Variants in SLC10A7 observed in about 807,000 individuals in gnomAD.
SLC10A7 encodes the protein sodium/bile acid cotransporter 7.
In SLC10A7, 29 loss-of-function variants were observed where a neutral mutation model predicts 43.2. That is an observed-to-expected ratio of 0.67 (90% CI 0.50 to 0.92). The LOEUF (loss-of-function observed/expected upper bound fraction) is 0.92, where lower values mean the gene tolerates loss of function less well. Ranked by LOEUF, SLC10A7 falls within the 40% of genes least tolerant of loss-of-function variation. SLC10A7 has a pLI of 0.00. For missense variants in SLC10A7, 295 were observed against 403.2 expected, an observed-to-expected ratio of 0.73 and a Z score of 2.30; for synonymous variants, 152 against 144.8, an observed-to-expected ratio of 1.05 and a Z score of -0.35.
chr4:146,347,490 G>A (rs1734705419), intron 5 of SLC10A7, among the ~76,000 whole-genome samples: 1 of 152,192 alleles, frequency 6.6e-6, no homozygotes, highest in South Asian at 2.1e-4. Context: ...TACCAGTGCT[G>A]CTAAGTTGAG....
intron 7 of SLC10A7, among the ~76,000 whole-genome samples, chr4:146,295,703 T>C (rs1156256911): frequency 6.6e-6 from 1 of 152,122 alleles, no homozygotes; most frequent in Non-Finnish European, 1.5e-5. Flanking sequence ...TAAAGGGTCA[T>C]TTCATAATCT....
Position 146,324,888 on chromosome 4 carries a change from C to G in SLC10A7, c.471+1073G>C, listed in dbSNP as rs188545046. ...GATCTGATTATTTGACTCTTCTTAC[C>G]TTGTCAAAATGGAGCCAGCATTTCA... On this transcript the variant is annotated intron_variant, in intron 6 of 11. Transcript: ENST00000335472. 2.0e-5 allele frequency among the ~76,000 whole-genome samples: 3 copies of G among 152,254 alleles called. No individual in the cohort carries two copies. The East Asian group carries it at 5.8e-4, about 29-fold the overall frequency.
chr4:146,303,276 C>A (rs574292081), intron 7 of SLC10A7, among the ~76,000 whole-genome samples: 8 of 152,154 alleles, frequency 5.3e-5, no homozygotes, highest in Non-Finnish European at 1.2e-4. Flanking sequence ...TAGTAAACTT[C>A]CTGCATAAAA....
At chr4:146,493,929 A>G (rs1267793559) in intron 4 of SLC10A7, among the ~76,000 whole-genome samples, 1 of 152,258 alleles carries the variant, frequency 6.6e-6, no homozygotes, top group Non-Finnish European at 1.5e-5. Context: ...ATGTATATAC[A>G]GCAAGCTATT....
intron 9 of SLC10A7, among the ~76,000 whole-genome samples, chr4:146,287,038 A>AGTGGTGAGAAGGACCGAGTCTG (rs1730055334): frequency 1.9e-5 from 1 of 53,042 alleles, no homozygotes; most frequent in African/African-American, 8.1e-5. Flanking sequence ...GACTGAGTTT[A>AGTGGTGAGAAGGACCGAGTCTG]GAGTGGTGAG....
intron 6 of SLC10A7, among the ~76,000 whole-genome samples, chr4:146,324,576 G>C (rs1012396276): frequency 2.0e-5 from 3 of 151,900 alleles, no homozygotes; most frequent in African/African-American, 7.3e-5. Context: ...GCACTTACCA[G>C]ATGCTGAGCT....
intron 1 of SLC10A7, 121 bp downstream of exon 1, chr4:146,521,497 C>T (rs1401554959): frequency 1.3e-6 from 1 of 755,686 alleles, no homozygotes; most frequent in African/African-American, 1.8e-5. Flanking sequence ...GGGCCAAAGG[C>T]TGGTCAGTGC....
In SLC10A7 at chr4:146,466,478, T is replaced by A. The variant is rs1242349454; in HGVS notation, c.397-23657A>T. ...GTTTTCTTAACCAAACTGAATTTCA[T>A]TTTTTCCCCCAAGATCAGGAGCTCA... On this transcript the variant is annotated intron_variant, in intron 4 of 11. Coordinates refer to ENST00000335472, the MANE Select transcript of SLC10A7 (RefSeq NM_001029998.6). Among the ~76,000 whole-genome samples, 3 of 152,046 alleles carry A rather than the reference T, an allele frequency of 2.0e-5. No individual in the cohort carries two copies. In the East Asian group the frequency reaches 5.8e-4, roughly 29 times the overall value.
intron 5 of SLC10A7, among the ~76,000 whole-genome samples, chr4:146,397,540 C>T (rs1738921374): frequency 2.0e-5 from 3 of 152,184 alleles, no homozygotes; most frequent in Admixed American, 2.0e-4. Context: ...GGATAGTTTG[C>T]ATAGGATTTT....
chr4:146,385,725 A>G (rs936173720), intron 5 of SLC10A7, among the ~76,000 whole-genome samples: 1 of 152,164 alleles, frequency 6.6e-6, no homozygotes, highest in African/African-American at 2.4e-5. Context: ...ATATTATCCA[A>G]TAGTTAGTCA....
At chr4:146,349,945 C>CCTA (rs1176945483) in intron 5 of SLC10A7, among the ~76,000 whole-genome samples, 1 of 151,966 alleles carries the variant, frequency 6.6e-6, no homozygotes, top group Non-Finnish European at 1.5e-5. Flanking sequence ...TTTCATATAC[C>CCTA]CTAGTAACAG....
At chr4:146,459,803 T>C (rs2149933350) in intron 4 of SLC10A7, among the ~76,000 whole-genome samples, 2 of 151,958 alleles carry the variant, frequency 1.3e-5, no homozygotes, top group East Asian at 3.9e-4. Flanking sequence ...ACTTTTGATA[T>C]AATAAATTTT....
chr4:146,318,216 G>C (rs1031214348), intron 6 of SLC10A7, among the ~76,000 whole-genome samples: 1 of 151,908 alleles, frequency 6.6e-6, no homozygotes, highest in African/African-American at 2.4e-5. Context: ...ATTTCCCTAA[G>C]AGAGTTATCA....
Position 146,468,027 on chromosome 4 carries a change from C to T in SLC10A7, c.397-25206G>A, listed in dbSNP as rs117559819. ...GTGTATAATTTACCATGTGAAACAG[C>T]CATGAGATATGCAGGCAACAGAGGA... On this transcript the variant is annotated intron_variant, in intron 4 of 11. Coordinates refer to ENST00000335472, the MANE Select transcript of SLC10A7 (RefSeq NM_001029998.6). Among the ~76,000 whole-genome samples, 248 of 152,242 alleles carry T rather than the reference C, an allele frequency of 1.6e-3. 8 individuals are homozygous for T. The East Asian group carries it at 0.042, about 26-fold the overall frequency.
At chr4:146,440,301 T>TTTTG (rs1730503669) in intron 5 of SLC10A7, among the ~76,000 whole-genome samples, 3 of 151,944 alleles carry the variant, frequency 2.0e-5, no homozygotes, top group Admixed American at 2.0e-4. Flanking sequence ...TTTTTTTTTT[T>TTTTG]GAGACAGAGT....
At chr4:146,464,530 C>T (rs1182325433) in intron 4 of SLC10A7, among the ~76,000 whole-genome samples, 1 of 151,746 alleles carries the variant, frequency 6.6e-6, no homozygotes, top group Non-Finnish European at 1.5e-5. Context: ...TTGTATGTGA[C>T]TAAGAGAAGT....
intron 10 of SLC10A7, among the ~76,000 whole-genome samples, chr4:146,273,341 G>A (rs2111063511): frequency 6.6e-6 from 1 of 152,240 alleles, no homozygotes; most frequent in Non-Finnish European, 1.5e-5. Context: ...GCCACTCATA[G>A]GTACATCTAG....
chr4:146,271,294 C>T lies in SLC10A7; in HGVS notation c.847+11898G>A, dbSNP rs184197500. ...CATGACTTTCAACCACTAACATCTG[C>T]TCCTCTGCAGTCTTCCCTAAGCCAG... On this transcript the variant is annotated intron_variant, in intron 10 of 11. Transcript: ENST00000335472. Among the ~76,000 whole-genome samples, 14 of 152,326 alleles carry T rather than the reference C, an allele frequency of 9.2e-5. No homozygotes were observed. The East Asian group carries it at 2.5e-3, about 27-fold the overall frequency.
intron 4 of SLC10A7, among the ~76,000 whole-genome samples, chr4:146,458,124 C>T (rs1732236241): frequency 1.3e-5 from 2 of 151,528 alleles, no homozygotes; most frequent in South Asian, 4.2e-4. Context: ...AAGGATGATA[C>T]AGTATGACAA....
Sources: gnomAD v4.1 joint callset for allele counts (sites outside exome capture counted in the v4.1 genomes callset) on GRCh38, gnomAD v4.1.1 for gene constraint, MANE v1.5 for transcripts, NCBI Gene and HGNC (gene_info 2026-07-23, HGNC 2026-07-21) for gene names.